CTNNA2: variants seen among roughly 807,000 people sequenced by gnomAD.
The protein encoded by CTNNA2 is catenin alpha-2.
A neutral mutation model predicts 101.0 loss-of-function variants in CTNNA2; 42 were observed. The ratio of observed to expected loss-of-function variants is 0.42; its 90% CI spans 0.32 to 0.54. CTNNA2 has a LOEUF of 0.54. Among genes scored for constraint, CTNNA2 ranks in the 20% least tolerant of loss-of-function variants. The probability of loss-of-function intolerance (pLI) is 0.14; values close to 1 mark genes in which losing one functional copy is unlikely to be tolerated. For missense variants in CTNNA2, 871 were observed against 1,223.1 expected, an observed-to-expected ratio of 0.71 and a Z score of 4.29; for synonymous variants, 450 against 456.4, an observed-to-expected ratio of 0.99 and a Z score of 0.18.
At chr2:79,263,305 C>T (rs970830357) in intron 2 of CTNNA2, among the ~76,000 whole-genome samples, 3 of 152,078 alleles carry the variant, frequency 2.0e-5, no homozygotes, top group Non-Finnish European at 2.9e-5. Context: ...GCTGTCCTCA[C>T]AATAATGAAT....
chr2:80,049,739 C>T (rs1023430726), intron 7 of CTNNA2, among the ~76,000 whole-genome samples: 7 of 152,182 alleles, frequency 4.6e-5, no homozygotes, highest in Non-Finnish European at 5.9e-5. Flanking sequence ...TCATGGCCCC[C>T]CAGGACTCCT....
At chr2:79,550,197 AC>A (rs1165830706) in intron 1 of CTNNA2, among the ~76,000 whole-genome samples, 1 of 152,176 alleles carries the variant, frequency 6.6e-6, no homozygotes, top group Non-Finnish European at 1.5e-5. Context: ...CACTCTGGTT[AC>A]CTTTATGATC....
At chr2:80,513,656 G>T (rs766820857) in intron 9 of CTNNA2, among the ~76,000 whole-genome samples, 1 of 152,164 alleles carries the variant, frequency 6.6e-6, no homozygotes, top group Non-Finnish European at 1.5e-5. Flanking sequence ...TAGATGGAAC[G>T]CATAGTCTGG....
intron 9 of CTNNA2, among the ~76,000 whole-genome samples, chr2:80,438,279 G>T (rs1682223954): frequency 6.6e-6 from 1 of 152,062 alleles, no homozygotes; most frequent in Non-Finnish European, 1.5e-5. Flanking sequence ...CATCCTCATA[G>T]CTCCTTTGAA....
chr2:80,489,996 G>A (rs542870265), intron 9 of CTNNA2, among the ~76,000 whole-genome samples: 1 of 152,258 alleles, frequency 6.6e-6, no homozygotes, highest in African/African-American at 2.4e-5. Context: ...TCAGACCTGA[G>A]TTAAAGTTAA....
At position 79,223,143 on chromosome 2, in the gene CTNNA2, G is replaced by A. The variant is rs535173902; in HGVS notation, c.-406+25067G>A. Among the ~76,000 whole-genome samples the A allele has an allele frequency of 5.9e-4, 90 of 152,148 alleles. 3 individuals carry two copies. The South Asian group carries it at 0.012, about 20-fold the overall frequency. The stretch of plus-strand genomic sequence containing the variant: ...CCACTGCACTCCAGCCTGGGCAACC[G>A]AGTGAGATCCCATCTCTAAAATAAA... On this transcript the variant is annotated intron_variant, in intron 2 of 21. Transcript: ENST00000466387.
intron 3 of CTNNA2, among the ~76,000 whole-genome samples, chr2:79,341,748 T>C (rs1443974094): frequency 1.3e-5 from 2 of 152,210 alleles, no homozygotes; most frequent in African/African-American, 4.8e-5. Flanking sequence ...TCAGGGTTTC[T>C]CTCCCATAAT....
chr2:80,274,358 A>G (rs1193816247), intron 7 of CTNNA2, among the ~76,000 whole-genome samples: 2 of 152,196 alleles, frequency 1.3e-5, no homozygotes, highest in Non-Finnish European at 2.9e-5. Flanking sequence ...GTATAGCAAT[A>G]GTCTTCGTGC....
intron 2 of CTNNA2, among the ~76,000 whole-genome samples, chr2:79,259,805 A>G (rs1558589962): frequency 6.6e-6 from 1 of 152,198 alleles, no homozygotes; most frequent in Non-Finnish European, 1.5e-5. Context: ...CAAAAGAACC[A>G]AAACACTCTG....
At chr2:79,210,123 G>A (rs1384255004) in intron 2 of CTNNA2, among the ~76,000 whole-genome samples, 2 of 85,210 alleles carry the variant, frequency 2.3e-5, no homozygotes, top group Non-Finnish European at 4.3e-5. Context: ...TGTTTAAGCA[G>A]AAGCAGAAGT....
chr2:79,998,003 A>T (rs1360460010), intron 7 of CTNNA2, among the ~76,000 whole-genome samples: 1 of 152,208 alleles, frequency 6.6e-6, no homozygotes, highest in Non-Finnish European at 1.5e-5. Flanking sequence ...ACTTTTGGTG[A>T]ACACTAAAAT....
chr2:80,392,302 A>C (rs1677588970), intron 7 of CTNNA2, among the ~76,000 whole-genome samples: 1 of 152,208 alleles, frequency 6.6e-6, no homozygotes, highest in Admixed American at 6.5e-5. Context: ...CACCATAAAT[A>C]AATCAATCTG....
intron 9 of CTNNA2, among the ~76,000 whole-genome samples, chr2:80,521,594 G>A (rs1379527220): frequency 6.6e-6 from 1 of 152,140 alleles, no homozygotes; most frequent in Non-Finnish European, 1.5e-5. Flanking sequence ...GAGTTAGAGT[G>A]ATGCAAGGAG....
intron 4 of CTNNA2, among the ~76,000 whole-genome samples, chr2:79,395,597 A>G (rs1678221243): frequency 6.6e-6 from 1 of 152,216 alleles, no homozygotes; most frequent in Non-Finnish European, 1.5e-5. Context: ...AACATTCCAA[A>G]TGTACCCCAG....
At chr2:79,359,680 C>A (rs1442274121) in intron 3 of CTNNA2, among the ~76,000 whole-genome samples, 1 of 152,174 alleles carries the variant, frequency 6.6e-6, no homozygotes, top group Non-Finnish European at 1.5e-5. Context: ...CACTTACCCC[C>A]AAATGCCTCA....
intron 1 of CTNNA2, among the ~76,000 whole-genome samples, chr2:79,192,674 A>G (rs1673890395): frequency 6.6e-6 from 1 of 152,168 alleles, no homozygotes; most frequent in African/African-American, 2.4e-5. Context: ...TCTATCTGAA[A>G]TAAATAATAT....
intron 7 of CTNNA2, among the ~76,000 whole-genome samples, chr2:80,333,428 G>A (rs921607115): frequency 6.6e-6 from 1 of 152,104 alleles, no homozygotes; most frequent in African/African-American, 2.4e-5. Context: ...GAGCATGTGA[G>A]GAAGAGCAAG....
chr2:80,176,907 T>C (rs185799378), intron 7 of CTNNA2, among the ~76,000 whole-genome samples: 2 of 152,170 alleles, frequency 1.3e-5, no homozygotes, highest in African/African-American at 4.8e-5. Flanking sequence ...CTTCTGGTGA[T>C]GGTGAGAAAT....
intron 3 of CTNNA2, among the ~76,000 whole-genome samples, chr2:79,834,209 A>G (rs986308023): frequency 1.3e-5 from 2 of 152,178 alleles, no homozygotes; most frequent in African/African-American, 2.4e-5. Flanking sequence ...CAGTGACACT[A>G]ATTTGTTTTT....
Sources: gnomAD v4.1 joint callset for allele counts (sites outside exome capture counted in the v4.1 genomes callset) on GRCh38, gnomAD v4.1.1 for gene constraint, MANE v1.5 for transcripts, NCBI Gene and HGNC (gene_info 2026-07-23, HGNC 2026-07-21) for gene names.